The following NKAIN3 variants were observed in gnomAD, a reference collection of about 807,000 sequenced individuals.
The protein encoded by NKAIN3 is sodium/potassium transporting ATPase interacting 3.
A neutral mutation model predicts 30.2 loss-of-function variants in NKAIN3; 25 were observed. That is an observed-to-expected ratio of 0.83 (90% CI 0.60 to 1.16). NKAIN3 has a LOEUF of 1.16. Ranked by LOEUF, NKAIN3 falls within the 50% of genes most tolerant of loss-of-function variation. The probability of loss-of-function intolerance (pLI) is 0.00; values close to 1 mark genes in which losing one functional copy is unlikely to be tolerated. For synonymous variants in NKAIN3, 91 were observed against 89.6 expected (o/e 1.02, Z -0.09); for missense variants, 225 against 254.1 (o/e 0.89, Z 0.78).
intron 5 of NKAIN3, 42 bp from the exon 6 acceptor site, chr8:62,953,859 AT>A (rs1823349466): frequency 3.1e-5 from 19 of 604,604 alleles, no homozygotes; most frequent in Admixed American, 6.3e-5. Flanking sequence ...TATTATGTGT[AT>A]TTTTTACACA....
intron 1 of NKAIN3, among the ~76,000 whole-genome samples, chr8:62,340,885 G>T (rs1424514605): frequency 6.7e-6 from 1 of 148,958 alleles, no homozygotes; most frequent in Non-Finnish European, 1.5e-5. Flanking sequence ...TGAAAGTTTG[G>T]TCAAGGAAAG....
intron 4 of NKAIN3, among the ~76,000 whole-genome samples, chr8:62,798,406 C>A (rs942614550): frequency 6.6e-6 from 1 of 151,972 alleles, no homozygotes; most frequent in South Asian, 2.1e-4. Flanking sequence ...CCCATCTCTA[C>A]TGAAAATACA....
At chr8:62,506,631 C>T (rs1047610939) in intron 1 of NKAIN3, among the ~76,000 whole-genome samples, 4 of 151,662 alleles carry the variant, frequency 2.6e-5, no homozygotes, top group East Asian at 1.9e-4. Flanking sequence ...CATACCACTA[C>T]GCCCTGCTGA....
At chr8:62,476,446 T>C (rs547617990) in intron 1 of NKAIN3, among the ~76,000 whole-genome samples, 1 of 152,202 alleles carries the variant, frequency 6.6e-6, no homozygotes, top group Admixed American at 6.5e-5. Context: ...TTGTAGTTTT[T>C]TTTTTTCATT....
chr8:62,479,382 G>A (rs765448398), intron 1 of NKAIN3, among the ~76,000 whole-genome samples: 4 of 152,090 alleles, frequency 2.6e-5, no homozygotes, highest in East Asian at 3.9e-4. Context: ...AGGAACTGAC[G>A]TGAGCAAATC....
intron 4 of NKAIN3, among the ~76,000 whole-genome samples, chr8:62,841,086 T>C (rs1819517547): frequency 6.6e-6 from 1 of 152,074 alleles, no homozygotes. Flanking sequence ...TTATCTTACA[T>C]AGAACAAGGT....
rs1367511494 is a variant in NKAIN3 at position 62,970,558 on chromosome 8, G to T, written c.*5151G>T. Among the ~76,000 whole-genome samples the T allele has an allele frequency of 6.6e-6, 1 of 152,046 alleles. No homozygotes were observed. Among genetic ancestry groups the T allele is most frequent in the Non-Finnish European group, 1.5e-5 (1 of 68,010 alleles). The stretch of plus-strand genomic sequence containing the variant: ...GAAATATTTAAAGAATCCAAAATAT[G>T]CTTTAGCTTAAACTTGAGAGCTAAG... On this transcript the variant is annotated 3_prime_UTR_variant, in exon 7 of 7. Transcript: ENST00000623646.
chr8:62,341,898 T>C (rs1220914264), intron 1 of NKAIN3, among the ~76,000 whole-genome samples: 1 of 152,040 alleles, frequency 6.6e-6, no homozygotes, highest in East Asian at 1.9e-4. Context: ...TGTTTCTTGT[T>C]TCCCATTTAA....
At chr8:62,761,744 T>C (rs543762396) in intron 4 of NKAIN3, among the ~76,000 whole-genome samples, 9 of 152,322 alleles carry the variant, frequency 5.9e-5, no homozygotes, top group African/African-American at 1.7e-4. Flanking sequence ...AAGCAGCTCT[T>C]CATATTGCCG....
At chr8:62,440,322 T>C (rs1337423452) in intron 1 of NKAIN3, among the ~76,000 whole-genome samples, 2 of 152,304 alleles carry the variant, frequency 1.3e-5, no homozygotes, top group African/African-American at 4.8e-5. Context: ...TTGTCCAAGC[T>C]TCACTGGGGA....
intron 1 of NKAIN3, among the ~76,000 whole-genome samples, chr8:62,417,430 C>A (rs1049452061): frequency 6.6e-6 from 1 of 152,168 alleles, no homozygotes; most frequent in African/African-American, 2.4e-5. Context: ...CTGCAACAAA[C>A]ATTGGAGTGT....
intron 3 of NKAIN3, among the ~76,000 whole-genome samples, chr8:62,741,425 AGGC>A (rs1563540850): frequency 0.017 from 2,130 of 127,120 alleles, 37 homozygotes; most frequent in East Asian, 0.02. Context: ...GAAGGAAGGC[AGGC>A]AAGCAAGCAA....
At position 62,552,165 on chromosome 8, in the gene NKAIN3, C is replaced by G. The variant is rs79040158; in HGVS notation, c.55-27374C>G. The stretch of plus-strand genomic sequence containing the variant: ...TTGAGCTACATTTACATATCATGAT[C>G]AGTTGTAATGTTTCTTGTTTTATTT... On this transcript the variant is annotated intron_variant, in intron 1 of 6. Transcript: ENST00000623646. 8.0e-4 allele frequency among the ~76,000 whole-genome samples: 122 copies of G among 152,264 alleles called. 1 individual carries two copies. In the East Asian group the frequency reaches 0.02, roughly 25 times the overall value.
rs564914890 is a variant in NKAIN3, at chr8:62,432,131, CAAAAT to C, written c.55-147405_55-147401del. On this transcript the variant is annotated intron_variant, in intron 1 of 6. Coordinates refer to ENST00000623646, the MANE Select transcript of NKAIN3 (RefSeq NM_001304533.3). ...CTCCTTAAAAAATAGAAAAATCACT[CAAAAT>C]AATCTATAAAAATGCACAAAAAGGT... 3.6e-4 allele frequency among the ~76,000 whole-genome samples: 55 copies of C among 151,718 alleles called. 1 individual carries two copies. Among genetic ancestry groups the C allele is most frequent in the Non-Finnish European group, 6.8e-4 (46 of 67,866 alleles).
At chr8:62,394,806 A>G (rs1478543404) in intron 1 of NKAIN3, among the ~76,000 whole-genome samples, 1 of 122,686 alleles carries the variant, frequency 8.2e-6, no homozygotes, top group Non-Finnish European at 1.7e-5. Flanking sequence ...AGAGACTCTC[A>G]TCACTTCTCA....
At chr8:62,551,884 A>G (rs1194954619) in intron 1 of NKAIN3, among the ~76,000 whole-genome samples, 1 of 152,212 alleles carries the variant, frequency 6.6e-6, no homozygotes, top group Non-Finnish European at 1.5e-5. Flanking sequence ...TCTTGAAAAC[A>G]CTTGCTATAC....
intron 1 of NKAIN3, among the ~76,000 whole-genome samples, chr8:62,311,035 A>G (rs1468962550): frequency 6.6e-6 from 1 of 150,426 alleles, no homozygotes; most frequent in African/African-American, 2.5e-5. Flanking sequence ...CCTCAAATCC[A>G]TTTCACTACT....
chr8:62,452,693 G>C (rs1018609606), intron 1 of NKAIN3, among the ~76,000 whole-genome samples: 2 of 152,016 alleles, frequency 1.3e-5, no homozygotes, highest in African/African-American at 4.8e-5. Context: ...TAATCATTTT[G>C]TAATTTATCC....
At chr8:62,819,133 TTATATATATATATATATACA>T (rs1818775899) in intron 4 of NKAIN3, among the ~76,000 whole-genome samples, 1 of 98,870 alleles carries the variant, frequency 1.0e-5, no homozygotes, top group African/African-American at 3.4e-5. Flanking sequence ...AGAATTATCG[TTATATATATATATATATACA>T]TATATATATA....
Sources: gnomAD v4.1 joint callset for allele counts (sites outside exome capture counted in the v4.1 genomes callset) on GRCh38, gnomAD v4.1.1 for gene constraint, MANE v1.5 for transcripts, NCBI Gene and HGNC (gene_info 2026-07-23, HGNC 2026-07-21) for gene names.